The following KAZN variants were observed in gnomAD, a reference collection of about 807,000 sequenced individuals.
KAZN encodes kazrin, periplakin interacting protein, also known as kazrin.
In KAZN, 40 loss-of-function variants were observed where a neutral mutation model predicts 87.4. That is an observed-to-expected ratio of 0.46 (90% CI 0.36 to 0.60). The LOEUF (loss-of-function observed/expected upper bound fraction) is 0.60. KAZN is among the 20% of genes least tolerant of loss of function. The probability of loss-of-function intolerance (pLI) is 0.00; values close to 1 mark genes in which losing one functional copy is unlikely to be tolerated. For synonymous variants in KAZN, 466 were observed against 458.3 expected (o/e 1.02, Z -0.22); for missense variants, 898 against 1,073.9 (o/e 0.84, Z 2.29).
intron 1 of KAZN, among the ~76,000 whole-genome samples, chr1:13,957,004 C>A (rs974347549): frequency 6.6e-6 from 1 of 152,032 alleles, no homozygotes; most frequent in Non-Finnish European, 1.5e-5. Context: ...GCTGGGGAGA[C>A]CATTGTGAGT....
At chr1:14,762,019 G>A (rs1407940483) in intron 1 of KAZN, among the ~76,000 whole-genome samples, 1 of 151,990 alleles carries the variant, frequency 6.6e-6, no homozygotes, top group African/African-American at 2.4e-5. Flanking sequence ...TCTTCCCTGG[G>A]TTCCTTGGCT....
chr1:14,394,400 G>A (rs1313484074), intron 2 of KAZN, among the ~76,000 whole-genome samples: 2 of 152,204 alleles, frequency 1.3e-5, no homozygotes, highest in African/African-American at 4.8e-5. Flanking sequence ...TGGGATGGGG[G>A]TAGAAAGAGT....
At chr1:13,958,271 C>T (rs1217297533) in intron 1 of KAZN, among the ~76,000 whole-genome samples, 1 of 152,104 alleles carries the variant, frequency 6.6e-6, no homozygotes, top group Non-Finnish European at 1.5e-5. Flanking sequence ...AATTCCACTT[C>T]ACTAAAAATT....
chr1:13,941,288 C>A (rs1280603873), intron 1 of KAZN, among the ~76,000 whole-genome samples: 1 of 151,662 alleles, frequency 6.6e-6, no homozygotes, highest in East Asian at 1.9e-4. Flanking sequence ...TGGTCTCTTT[C>A]ATACCTGCTC....
chr1:14,259,910 C>CAT (rs148758263), intron 2 of KAZN, among the ~76,000 whole-genome samples: 134 of 152,340 alleles, frequency 8.8e-4, no homozygotes, highest in African/African-American at 3.2e-3. Context: ...TCCCCTTGAA[C>CAT]ATATAAATGG....
rs57180691 is a variant in KAZN at position 14,253,121 on chromosome 1, GA to G, written c.249+72544del. Among the ~76,000 whole-genome samples, 1,217 of 122,294 alleles carry G rather than the reference GA, an allele frequency of 1.0e-2. 14 individuals are homozygous for G. The highest frequency in any genetic ancestry group is 0.027 in the African/African-American group (934 of 35,018). The allele number at this position is 122,294 out of a possible 152,430, so 80.2% of individuals were successfully genotyped here. A position where few individuals can be genotyped will look rare whatever the true frequency, so the allele number is the denominator to read the frequency against. ...TTGGCTACCTACTCCAGAAAAAAGA[GA>G]AAAAAAAAAAAAAACGGCCCCACCC... is the stretch of plus-strand genomic sequence containing the variant. On this transcript the variant is annotated intron_variant, in intron 2 of 16. Coordinates refer to the KAZN transcript ENST00000636203.
At chr1:14,459,341 CT>C (rs1259262058) in intron 2 of KAZN, among the ~76,000 whole-genome samples, 1 of 151,702 alleles carries the variant, frequency 6.6e-6, no homozygotes, top group Admixed American at 6.6e-5. Flanking sequence ...TTTCCAGCAT[CT>C]TTTGCTTCTC....
intron 1 of KAZN, among the ~76,000 whole-genome samples, chr1:14,893,295 G>A (rs1572751710): frequency 6.6e-6 from 1 of 152,204 alleles, no homozygotes; most frequent in Admixed American, 6.5e-5. Flanking sequence ...GAGCCCAGGA[G>A]GCAGAGGTTT....
chr1:14,705,800 A>G (rs924572884), intron 1 of KAZN, among the ~76,000 whole-genome samples: 5 of 152,162 alleles, frequency 3.3e-5, no homozygotes, highest in African/African-American at 1.2e-4. Flanking sequence ...ATGGGGAGGC[A>G]TTTGTTAAAG....
intron 2 of KAZN, among the ~76,000 whole-genome samples, chr1:14,473,747 A>G (rs374134279): frequency 3.9e-5 from 6 of 151,970 alleles, no homozygotes; most frequent in East Asian, 1.9e-4. Flanking sequence ...CCACATGTCT[A>G]TGCCGCACCA....
intron 1 of KAZN, among the ~76,000 whole-genome samples, chr1:14,039,193 G>T (rs72641605): frequency 0.13 from 19,985 of 149,092 alleles, 1,760 homozygotes; most frequent in Middle Eastern, 0.25. Flanking sequence ...AAAAAAGTAG[G>T]AATTAAAGTA....
chr1:15,019,765 C>T (rs1427188175), intron 2 of KAZN, among the ~76,000 whole-genome samples: 1 of 152,170 alleles, frequency 6.6e-6, no homozygotes, highest in Admixed American at 6.5e-5. Flanking sequence ...TGAGTGAAAA[C>T]ATGCAAGGTG....
In KAZN at chr1:14,662,707, GCA is replaced by G. The variant is rs1216108293; in HGVS notation, c.226+63485_226+63486del. On this transcript the variant is annotated intron_variant, in intron 1 of 14. Transcript: ENST00000376030. ...TGTTTGCCTGTGTGTGTGTATGTGT[GCA>G]TGTGTATATGTATGAGTGTGTGTTG... Among the ~76,000 whole-genome samples, 3 of 151,594 alleles carry G rather than the reference GCA, an allele frequency of 2.0e-5. No individual in the cohort carries two copies. In the East Asian group the frequency reaches 5.8e-4, roughly 29 times the overall value.
chr1:14,216,130 A>G (rs2100474662), intron 2 of KAZN, among the ~76,000 whole-genome samples: 1 of 152,172 alleles, frequency 6.6e-6, no homozygotes, highest in East Asian at 1.9e-4. Context: ...GATTTTGGGG[A>G]GACAAATCAT....
In KAZN at chr1:14,682,676, G is replaced by A. The variant is rs139109102; in HGVS notation, c.226+83453G>A. ...TTATATTTTTAATGGAAAAAAAAAT[G>A]TATTCTAAAAGAAAACAGAGTTTTT... On this transcript the variant is annotated intron_variant, in intron 1 of 14. Coordinates refer to ENST00000376030, the MANE Select transcript of KAZN (RefSeq NM_201628.3). Among the ~76,000 whole-genome samples, 538 of 152,220 alleles carry A rather than the reference G, an allele frequency of 3.5e-3. 13 individuals carry two copies. In the East Asian group the frequency reaches 0.048, roughly 13 times the overall value.
chr1:14,517,994 G>A (rs1671385489), intron 2 of KAZN, among the ~76,000 whole-genome samples: 1 of 152,208 alleles, frequency 6.6e-6, no homozygotes, highest in Non-Finnish European at 1.5e-5. Context: ...TTCAGAATGA[G>A]TGATGGGTGT....
At chr1:14,140,891 C>T (rs1364350026) in intron 1 of KAZN, among the ~76,000 whole-genome samples, 1 of 152,134 alleles carries the variant, frequency 6.6e-6, no homozygotes, top group Non-Finnish European at 1.5e-5. Context: ...TAAACCTTGG[C>T]AGGCGGCAGA....
intron 1 of KAZN, among the ~76,000 whole-genome samples, chr1:14,165,351 G>T (rs772049346): frequency 5.3e-5 from 8 of 151,932 alleles, no homozygotes; most frequent in Non-Finnish European, 1.2e-4. Context: ...CCTTAGCCCC[G>T]TGTCTTCCTG....
chr1:14,707,099 C>T (rs953993612), intron 1 of KAZN, among the ~76,000 whole-genome samples: 5 of 152,142 alleles, frequency 3.3e-5, no homozygotes, highest in East Asian at 1.9e-4. Flanking sequence ...TGTTGGCATT[C>T]GAAAACCTTT....
Sources: allele counts gnomAD v4.1 joint callset (sites outside exome capture counted in the v4.1 genomes callset), GRCh38; gene constraint gnomAD v4.1.1; transcripts MANE v1.5; gene names NCBI Gene and HGNC (gene_info 2026-07-23, HGNC 2026-07-21).